The following STAT4 variants were observed in gnomAD, a reference collection of about 807,000 sequenced individuals.
STAT4 encodes signal transducer and activator of transcription 4.
A neutral mutation model predicts 110.5 loss-of-function variants in STAT4; 42 were observed. That is an observed-to-expected ratio of 0.38 (90% CI 0.30 to 0.49). STAT4 has a LOEUF of 0.49. Ranked by LOEUF, STAT4 falls within the 20% of genes least tolerant of loss-of-function variation. The probability of loss-of-function intolerance (pLI) is 0.95; values close to 1 mark genes in which losing one functional copy is unlikely to be tolerated. For synonymous variants in STAT4, 284 were observed against 302.2 expected (o/e 0.94, Z 0.63); for missense variants, 632 against 887.9 (o/e 0.71, Z 3.66).
chr2:191,094,582 T>G (rs983350483), intron 3 of STAT4, among the ~76,000 whole-genome samples: 2 of 152,156 alleles, frequency 1.3e-5, no homozygotes, highest in Admixed American at 1.3e-4. Flanking sequence ...CAAGAGCTCC[T>G]GAAGGAAGCA....
chr2:191,090,462 T>G lies in STAT4; in HGVS notation c.274-14137A>C, dbSNP rs1697760331. Among the ~76,000 whole-genome samples the G allele has an allele frequency of 7.0e-6, 1 of 143,066 alleles. No individual in the cohort carries two copies. The highest frequency in any genetic ancestry group is 7.4e-5 in the Admixed American group (1 of 13,450). The allele number at this position is 143,066 out of a possible 152,430, so 93.9% of individuals were successfully genotyped here. A position where few individuals can be genotyped will look rare whatever the true frequency, so the allele number is the denominator to read the frequency against. ...TAAATTAACAATGCTCTGTTATTAT[T>G]TATAATAATAATAATAATACATCTA... On this transcript the variant is annotated intron_variant, in intron 3 of 23. Coordinates refer to ENST00000392320, the MANE Select transcript of STAT4 (RefSeq NM_003151.4). This position sits in a 1 kb window ranked among gnomAD's most constrained non-coding sequence, Gnocchi z 4.2.
intron 3 of STAT4, among the ~76,000 whole-genome samples, chr2:191,089,883 T>C (rs1697743238): frequency 6.6e-6 from 1 of 152,122 alleles, no homozygotes; most frequent in African/African-American, 2.4e-5. Flanking sequence ...AAGTCAGTGG[T>C]TGCCAGGAGT....
In STAT4 at chr2:191,062,703, T is replaced by G; in HGVS notation, c.941+59A>C. ...ACTCTTCCACCTAAACACCAAAACC[T>G]TAGGAAGGGTGTTCTTACTTCACAG... On this transcript the variant is annotated intron_variant, in intron 9 of 23. Coordinates refer to ENST00000392320, the MANE Select transcript of STAT4 (RefSeq NM_003151.4). This position sits in a 1 kb window ranked among gnomAD's most constrained non-coding sequence, Gnocchi z 4.9. The G allele has an allele frequency of 6.3e-7, 1 of 1,594,246 alleles. No homozygotes were observed. The highest frequency in any genetic ancestry group is 8.6e-7 in the Non-Finnish European group (1 of 1,165,602).
intron 3 of STAT4, among the ~76,000 whole-genome samples, chr2:191,102,009 CTTT>C (rs35442023): frequency 7.1e-6 from 1 of 141,146 alleles, no homozygotes. Flanking sequence ...TTTGCCCAAC[CTTT>C]TTTTTTTTTT....
chr2:191,119,657 G>C (rs969834931), intron 3 of STAT4, among the ~76,000 whole-genome samples: 6 of 152,156 alleles, frequency 3.9e-5, no homozygotes, highest in Non-Finnish European at 8.8e-5. Flanking sequence ...AGGTTTATTT[G>C]TTGAAATTGT....
chr2:191,030,703 A>C lies in STAT4; in HGVS notation c.2220+269T>G, dbSNP rs113325247. On this transcript the variant is annotated intron_variant, in intron 23 of 23. Coordinates refer to ENST00000392320, the MANE Select transcript of STAT4 (RefSeq NM_003151.4). The surrounding 1 kb of genome is among the most constrained non-coding windows in gnomAD (Gnocchi z 4.4). ...GGTGCAAGCAGCGATAGTGTGCTTG[A>C]GTAGGGTATAGGAATATTTTGCCCT... The C allele has an allele frequency of 3.0e-5, 10 of 335,418 alleles. No individual in the cohort carries two copies. Among genetic ancestry groups the C allele is most frequent in the Admixed American group, 2.2e-4 (5 of 22,776 alleles). 20.8% of individuals were successfully genotyped at this position (335,418 alleles called of 1,614,324 possible).
At chr2:191,040,676 C>T (rs1227902985) in intron 15 of STAT4, among the ~76,000 whole-genome samples, 2 of 152,172 alleles carry the variant, frequency 1.3e-5, no homozygotes, top group African/African-American at 2.4e-5. Flanking sequence ...ATCCTCCTGC[C>T]TCTGCCTCCT....
chr2:191,089,837 A>T (rs1697742752), intron 3 of STAT4, among the ~76,000 whole-genome samples: 1 of 152,200 alleles, frequency 6.6e-6, no homozygotes, highest in Admixed American at 6.5e-5. Context: ...CAACTATATG[A>T]CATTATGGAA....
In STAT4 at chr2:191,140,755, A is replaced by G. The variant is rs1474720555; in HGVS notation, c.273+5858T>C. Among the ~76,000 whole-genome samples, 1 of 152,188 alleles carries G rather than the reference A, an allele frequency of 6.6e-6. No individual in the cohort carries two copies. Among genetic ancestry groups the G allele is most frequent in the East Asian group, 1.9e-4 (1 of 5,202 alleles). Reference sequence around the variant, plus strand: ...CTACTGGGTATCTACCCAAAGGAAAAGAAATCATTATATAAAAAATACACA... The same window carrying G: ...CTACTGGGTATCTACCCAAAGGAAAGGAAATCATTATATAAAAAATACACA... On this transcript the variant is annotated intron_variant, in intron 3 of 23. Coordinates refer to ENST00000392320, the MANE Select transcript of STAT4 (RefSeq NM_003151.4). This position sits in a 1 kb window ranked among gnomAD's most constrained non-coding sequence, Gnocchi z 4.4.
In STAT4 at chr2:191,073,103, C is replaced by T. The variant is rs758720903; in HGVS notation, c.460G>A (p.Val154Met). ...ATCTGTATAAAAGCACTTACCTGCA[C>T]ACTGTTTTTAATGGCAGCCACTTTG... Reference protein sequence around the residue: ...EHKVAAIKNSVQMTEQDTKYL... With the variant: ...EHKVAAIKNSMQMTEQDTKYL... Residue 154 changes from valine (V) to methionine (M), a missense_variant, in exon 5 of 24, where the codon GTG (valine) becomes ATG (methionine). Transcript: ENST00000392320. The T allele has an allele frequency of 1.9e-6, 3 of 1,613,754 alleles. No individual in the cohort carries two copies. Among genetic ancestry groups the T allele is most frequent in the South Asian group, 2.2e-5 (2 of 91,074 alleles).
At position 191,099,238 on chromosome 2, in the gene STAT4, A is replaced by C. The variant is rs1443474968; in HGVS notation, c.274-22913T>G. ...ATCTATTGTTAATGAAGATATGGGG[A>C]TGAGGGTCCTAGTACACTTTGCTGA... On this transcript the variant is annotated intron_variant, in intron 3 of 23. Coordinates refer to ENST00000392320, the MANE Select transcript of STAT4 (RefSeq NM_003151.4). This position sits in a 1 kb window ranked among gnomAD's most constrained non-coding sequence, Gnocchi z 4.1. 6.6e-6 allele frequency among the ~76,000 whole-genome samples: 1 copy of C among 152,140 alleles called. No homozygotes were observed. Among genetic ancestry groups the C allele is most frequent in the Non-Finnish European group, 1.5e-5 (1 of 68,000 alleles).
intron 3 of STAT4, among the ~76,000 whole-genome samples, chr2:191,127,008 G>A (rs1698899599): frequency 6.6e-6 from 1 of 151,856 alleles, no homozygotes. Context: ...TTTTTGTAGA[G>A]ATGGGGTCTC....
At position 191,039,312 on chromosome 2, in the gene STAT4, A is replaced by G. The variant is rs368249753; in HGVS notation, c.1336-15T>C. On this transcript the variant is annotated splice_polypyrimidine_tract_variant and intron_variant, in intron 15 of 23. Transcript: ENST00000392320. This position sits in a 1 kb window ranked among gnomAD's most constrained non-coding sequence, Gnocchi z 4.7. ...AATGAGCTGGTCTGGTTTGGGGGGAAAAAAGCATAGTTATTACAGGTAGTC... is the reference window on the plus strand; with the variant it reads ...AATGAGCTGGTCTGGTTTGGGGGGAGAAAAGCATAGTTATTACAGGTAGTC... The G allele has an allele frequency of 1.3e-4, 216 of 1,611,732 alleles. No individual in the cohort carries two copies. In the African/African-American group the frequency reaches 2.6e-3, roughly 20 times the overall value.
rs755818802 is a variant in STAT4 at position 191,051,187 on chromosome 2, G to A, written c.1251+3303C>T. Among the ~76,000 whole-genome samples the A allele has an allele frequency of 1.1e-4, 16 of 152,212 alleles. No homozygotes were observed. The highest frequency in any genetic ancestry group is 1.5e-4 in the Non-Finnish European group (10 of 68,042). On this transcript the variant is annotated intron_variant, in intron 14 of 23. Transcript: ENST00000392320. This position sits in a 1 kb window ranked among gnomAD's most constrained non-coding sequence, Gnocchi z 5.6. ...AGGGAAGTGCCAGGGTCCCCTGAAAGGGACCACATCTCCAGCAGAGCACTT... is the reference window on the plus strand; with the variant it reads ...AGGGAAGTGCCAGGGTCCCCTGAAAAGGACCACATCTCCAGCAGAGCACTT...
chr2:191,034,469 C>T, intron 18 of STAT4, 79 bp downstream of exon 18: 2 of 991,720 alleles, frequency 2.0e-6, no homozygotes, highest in South Asian at 2.9e-5. Context: ...ATTCTCAAAA[C>T]CCCATGTAGT....
intron 3 of STAT4, among the ~76,000 whole-genome samples, chr2:191,121,254 T>C (rs1698718972): frequency 6.6e-6 from 1 of 152,140 alleles, no homozygotes; most frequent in African/African-American, 2.4e-5. Context: ...ATGGCAATCA[T>C]TAAAAAGTCA....
In STAT4 at chr2:191,080,685, G is replaced by A. The variant is rs1212837474; in HGVS notation, c.274-4360C>T. Among the ~76,000 whole-genome samples the A allele has an allele frequency of 8.5e-5, 13 of 152,136 alleles. No individual in the cohort carries two copies. In the South Asian group the frequency reaches 1.9e-3, roughly 22 times the overall value. On this transcript the variant is annotated intron_variant, in intron 3 of 23. Coordinates refer to ENST00000392320, the MANE Select transcript of STAT4 (RefSeq NM_003151.4). ...ACCACATCACTAATAGATGAGATTC[G>A]TATTTAACTTTTCAGGCAGATGTCC... is the stretch of plus-strand genomic sequence containing the variant.
chr2:191,138,646 A>G lies in STAT4; in HGVS notation c.273+7967T>C, dbSNP rs113226180. On this transcript the variant is annotated intron_variant, in intron 3 of 23. Transcript: ENST00000392320. The surrounding 1 kb of genome is among the most constrained non-coding windows in gnomAD (Gnocchi z 4.3). ...TTGCCAACCAAAAAAGTCCAGGACC[A>G]GATGGATTCACAGCTGAATTCTATC... Among the ~76,000 whole-genome samples the G allele has an allele frequency of 0.055, 8,444 of 152,326 alleles. 330 individuals are homozygous for G. Among genetic ancestry groups the G allele is most frequent in the Non-Finnish European group, 0.093 (6,324 of 68,018 alleles).
At chr2:191,105,306 A>G (rs564693277) in intron 3 of STAT4, among the ~76,000 whole-genome samples, 2 of 152,270 alleles carry the variant, frequency 1.3e-5, no homozygotes, top group South Asian at 2.1e-4. Context: ...CTCTACCCAA[A>G]ACCTTCCAAT....
Sources: gnomAD v4.1 joint callset for allele counts (sites outside exome capture counted in the v4.1 genomes callset) on GRCh38, gnomAD v4.1.1 for gene constraint, Gnocchi (gnomAD v3.1) non-coding constraint, MANE v1.5 for transcripts, NCBI Gene and HGNC (gene_info 2026-07-23, HGNC 2026-07-21) for gene names.